Variants in PRH1 observed in about 807,000 individuals in gnomAD.
The protein encoded by PRH1 is salivary acidic proline-rich phosphoprotein 1/2.
PRH1 carries 7 observed loss-of-function variants against 7.9 expected under a neutral mutation model. The ratio of observed to expected loss-of-function variants is 0.89; its 90% CI spans 0.50 to 1.67. PRH1 has a LOEUF of 1.67. PRH1 is among the 40% of genes most tolerant of loss of function. The pLI is 0.00. For synonymous variants in PRH1, 45 were observed against 80.8 expected (o/e 0.56, Z 2.38); for missense variants, 109 against 223.6 (o/e 0.49, Z 3.27).
intron 2 of PRH1, chr12:10,938,612 A>G: frequency 6.2e-7 from 1 of 1,613,952 alleles, no homozygotes; most frequent in Non-Finnish European, 8.5e-7. Context: ...GATGAGGAGA[A>G]GAAACATTGC....
chr12:11,123,194 T>C (rs991861309), intron 1 of PRH1, among the ~76,000 whole-genome samples: 2 of 152,408 alleles, frequency 1.3e-5, no homozygotes, highest in African/African-American at 4.8e-5. Context: ...TGTATATTTT[T>C]CCATTTTATG....
intron 2 of PRH1, among the ~76,000 whole-genome samples, chr12:10,930,463 G>A (rs1194621263): frequency 6.6e-6 from 1 of 152,156 alleles, no homozygotes; most frequent in Non-Finnish European, 1.5e-5. Context: ...TGGGGACCAT[G>A]AGTAAAGAAA....
intron 2 of PRH1, among the ~76,000 whole-genome samples, chr12:10,905,581 G>A (rs540351728): frequency 7.2e-5 from 11 of 152,078 alleles, no homozygotes; most frequent in African/African-American, 9.6e-5. Flanking sequence ...CAGAAGAATC[G>A]CTTGAACCTG....
At chr12:11,168,240 G>T (rs1316708972) in intron 1 of PRH1, among the ~76,000 whole-genome samples, 1 of 9,522 alleles carries the variant, frequency 1.1e-4, no homozygotes, top group Non-Finnish European at 2.8e-4. Context: ...AAGAAAGAAA[G>T]AAAGAAAGAA....
At chr12:11,034,202 AT>A (rs548975218) in intron 1 of PRH1, among the ~76,000 whole-genome samples, 4,199 of 28,248 alleles carry the variant, frequency 0.15, 1,128 homozygotes, top group Non-Finnish European at 0.2. Context: ...AGCACATGTG[AT>A]TTTTTTTCAC....
intron 2 of PRH1, among the ~76,000 whole-genome samples, chr12:10,896,234 C>T (rs1401893302): frequency 6.6e-6 from 1 of 152,214 alleles, no homozygotes; most frequent in South Asian, 2.1e-4. Context: ...TTTTACAATG[C>T]CATCTTTTGC....
rs1458485954 is a variant in PRH1 at position 11,031,470 on chromosome 12, G to C, written c.-126+15550C>G. On this transcript the variant is annotated intron_variant, in intron 1 of 3. Transcript: ENST00000539853. ...CACGGTGAGTGTTGCTGCTCTTAAA[G>C]ATGGCATGGACCCAAAGAGTGAGCA... 3.9e-6 allele frequency: 4 copies of C among 1,031,950 alleles called. No individual in the cohort carries two copies. The Admixed American group carries it at 1.1e-4, about 30-fold the overall frequency. 63.9% of individuals were successfully genotyped at this position (1,031,950 alleles called of 1,614,324 possible). A position where few individuals can be genotyped will look rare whatever the true frequency, so the allele number is the denominator to read the frequency against.
At chr12:10,887,044 C>G (rs1949502446), upstream of PRH1, among the ~76,000 whole-genome samples, 1 of 152,190 alleles carries the variant, frequency 6.6e-6, no homozygotes, top group African/African-American at 2.4e-5. Context: ...CTTCAAATCT[C>G]CTGTTTTTTC....
At chr12:11,113,047 A>G (rs1461566900) in intron 1 of PRH1, among the ~76,000 whole-genome samples, 1 of 152,206 alleles carries the variant, frequency 6.6e-6, no homozygotes, top group Non-Finnish European at 1.5e-5. Flanking sequence ...TCCATTTCAC[A>G]ATTGCTACAA....
intron 2 of PRH1, among the ~76,000 whole-genome samples, chr12:10,971,939 A>C (rs545943486): frequency 6.6e-6 from 1 of 152,198 alleles, no homozygotes; most frequent in East Asian, 1.9e-4. Flanking sequence ...TCTATTATTA[A>C]ATTTTCTAAT....
chr12:11,126,399 T>C (rs1946130313), intron 1 of PRH1, among the ~76,000 whole-genome samples: 1 of 152,256 alleles, frequency 6.6e-6, no homozygotes, highest in Admixed American at 6.5e-5. Flanking sequence ...ATCTATGTAG[T>C]GCAAATTTGT....
chr12:11,073,689 T>C (rs1282022358), intron 1 of PRH1, among the ~76,000 whole-genome samples: 1 of 151,988 alleles, frequency 6.6e-6, no homozygotes, highest in Non-Finnish European at 1.5e-5. Context: ...GAACATAAGA[T>C]ATCTCTACAG....
chr12:11,132,700 TCTCA>T (rs1318840032), intron 1 of PRH1, among the ~76,000 whole-genome samples: 5 of 152,218 alleles, frequency 3.3e-5, no homozygotes. Context: ...TACGTATACT[TCTCA>T]CTCAAATTTT....
At position 10,914,979 on chromosome 12, in the gene PRH1, T is replaced by G. The variant is rs148198756; in HGVS notation, c.-58-30704A>C. The stretch of plus-strand genomic sequence containing the variant: ...CCATCTCTACTATTAATACAAACAA[T>G]TAGCCTGGCATGGTGGCGGGCACCT... On this transcript the variant is annotated intron_variant, in intron 2 of 3. Transcript: ENST00000539853. 3.5e-3 allele frequency among the ~76,000 whole-genome samples: 528 copies of G among 152,178 alleles called. 4 individuals carry two copies. The highest frequency in any genetic ancestry group is 5.1e-3 in the Non-Finnish European group (345 of 67,988).
At position 11,168,307 on chromosome 12, in the gene PRH1, G is replaced by GAAA. The variant is rs1947681927; in HGVS notation, n.39+3114_39+3115insTTT. Among the ~76,000 whole-genome samples, 42 of 17,568 alleles carry GAAA rather than the reference G, an allele frequency of 2.4e-3. 18 individuals are homozygous for GAAA. The highest frequency in any genetic ancestry group is 0.083 in the Middle Eastern group (2 of 24). The allele number at this position is 17,568 out of a possible 152,430, so 11.5% of individuals were successfully genotyped here. A position where few individuals can be genotyped will look rare whatever the true frequency, so the allele number is the denominator to read the frequency against. On this transcript the variant is annotated intron_variant and non_coding_transcript_variant, in intron 1 of 1. Transcript: ENST00000541175. Reference sequence around the variant, plus strand: ...AAGAAAGAAAGAAAGAAAGAAGGAAGGAAGGAAGGAAGGAAGGAAGGAAGG... The same window carrying GAAA: ...AAGAAAGAAAGAAAGAAAGAAGGAAGAAAGAAGGAAGGAAGGAAGGAAGGAAGG...
chr12:11,043,846 T>C (rs1026322142), intron 1 of PRH1, among the ~76,000 whole-genome samples: 4 of 152,124 alleles, frequency 2.6e-5, no homozygotes, highest in Non-Finnish European at 5.9e-5. Context: ...AGTATCAACA[T>C]TGTTAAAATG....
intron 2 of PRH1, among the ~76,000 whole-genome samples, chr12:10,948,483 T>C (rs779076740): frequency 1.3e-5 from 2 of 152,200 alleles, no homozygotes; most frequent in African/African-American, 4.8e-5. Context: ...GTCAGACCCA[T>C]TAAATTCTTT....
intron 1 of PRH1, chr12:11,062,412 T>C (rs2136184468): frequency 7.7e-7 from 1 of 1,297,276 alleles, no homozygotes; most frequent in Non-Finnish European, 1.0e-6. Flanking sequence ...GCTGTGACAT[T>C]CTTTTTACTT....
Position 11,073,154 on chromosome 12 carries a change from CAG to C in PRH1, n.124-25968_124-25967del, listed in dbSNP as rs1219439653. 6.1e-5 allele frequency among the ~76,000 whole-genome samples: 7 copies of C among 115,256 alleles called. 3 individuals are homozygous for C. The highest frequency in any genetic ancestry group is 1.2e-4 in the Non-Finnish European group (6 of 48,464). The allele number at this position is 115,256 out of a possible 152,430, so 75.6% of individuals were successfully genotyped here. On this transcript the variant is annotated intron_variant and non_coding_transcript_variant, in intron 1 of 4. Coordinates refer to the PRH1 transcript ENST00000541977. ...TTTATTTATATATTTATTTTTGAGA[CAG>C]AGTCTTGCTCTGTTGCCCAGGCTAG...
Sources: gnomAD v4.1 joint callset for allele counts (sites outside exome capture counted in the v4.1 genomes callset) on GRCh38, gnomAD v4.1.1 for gene constraint, MANE v1.5 for transcripts, NCBI Gene and HGNC (gene_info 2026-07-23, HGNC 2026-07-21) for gene names.